PHF24: variants seen among roughly 807,000 people sequenced by gnomAD.
PHF24 encodes the protein Galpha inhibitory interacting protein.
Under a neutral mutation model 42.6 loss-of-function variants are expected in PHF24, and 25 were observed. That is an observed-to-expected ratio of 0.59 (90% CI 0.43 to 0.82). The LOEUF is 0.82. Among genes scored for constraint, PHF24 ranks in the 40% least tolerant of loss-of-function variants. The pLI is 0.00. For missense variants in PHF24, 470 were observed against 538.1 expected (o/e 0.87, Z 1.25); for synonymous variants, 185 against 204.8 (o/e 0.90, Z 0.83).
At chr9:34,940,647 T>TAC in the PHF24 span, among the ~76,000 whole-genome samples, 5 of 152,294 alleles carry the variant, frequency 3.3e-5, no homozygotes, top group East Asian at 9.7e-4. Context: ...CTTGGTGGCT[T>TAC]ACCTGCCACC....
the PHF24 span, among the ~76,000 whole-genome samples, chr9:34,880,304 A>C: frequency 6.6e-6 from 1 of 152,204 alleles, no homozygotes; most frequent in African/African-American, 2.4e-5. Context: ...AACGAGCAAA[A>C]TAACCAGCTA....
chr9:34,909,645 G>A, the PHF24 span, among the ~76,000 whole-genome samples: 5 of 148,856 alleles, frequency 3.4e-5, no homozygotes, highest in Non-Finnish European at 7.4e-5. Flanking sequence ...TTTTTGAGAC[G>A]GAGTCTCGCT....
the PHF24 span, among the ~76,000 whole-genome samples, chr9:34,895,344 G>A: frequency 1.3e-5 from 2 of 152,074 alleles, no homozygotes; most frequent in Admixed American, 6.6e-5. Context: ...AGGATGAGAC[G>A]GGAGGAAAAG....
chr9:34,952,220 A>C, the PHF24 span, among the ~76,000 whole-genome samples: 3 of 152,250 alleles, frequency 2.0e-5, no homozygotes, highest in Non-Finnish European at 4.4e-5. Flanking sequence ...TGAGTTTAGC[A>C]AGGTCACAGG....
the PHF24 span, among the ~76,000 whole-genome samples, chr9:34,936,678 G>A: frequency 2.7e-5 from 4 of 150,444 alleles, no homozygotes; most frequent in African/African-American, 9.9e-5. Flanking sequence ...GTCTCTGCCC[G>A]GCCACCCATC....
the PHF24 span, among the ~76,000 whole-genome samples, chr9:34,905,812 G>T: frequency 6.6e-6 from 1 of 152,148 alleles, no homozygotes; most frequent in African/African-American, 2.4e-5. Context: ...ATTTTATTTT[G>T]TATATATTTG....
At chr9:34,820,197 T>C in the PHF24 span, among the ~76,000 whole-genome samples, 19 of 150,964 alleles carry the variant, frequency 1.3e-4, no homozygotes, top group Admixed American at 6.6e-5. Context: ...TTAAACTTAC[T>C]TGTGTCTTTA....
chr9:34,974,069 G>A (rs957642396), intron 3 of PHF24, among the ~76,000 whole-genome samples: 2 of 151,968 alleles, frequency 1.3e-5, no homozygotes, highest in African/African-American at 2.4e-5. Context: ...GCAGTGGTGC[G>A]ATCGTAGCAC....
the PHF24 span, among the ~76,000 whole-genome samples, chr9:34,860,862 T>C: frequency 2.6e-5 from 4 of 152,188 alleles, no homozygotes; most frequent in African/African-American, 4.8e-5. Context: ...GCAAAGTACA[T>C]GCACAAACTG....
At chr9:34,683,476 A>T in the PHF24 span, among the ~76,000 whole-genome samples, 1 of 152,192 alleles carries the variant, frequency 6.6e-6, no homozygotes, top group Non-Finnish European at 1.5e-5. Context: ...CCAGCCCTCC[A>T]CTTGTCCCTC....
At chr9:34,740,668 C>G in the PHF24 span, among the ~76,000 whole-genome samples, 8 of 152,218 alleles carry the variant, frequency 5.3e-5, no homozygotes, top group African/African-American at 1.7e-4. Context: ...CTTGGTCAGC[C>G]CAGAAAGGGG....
chr9:34,916,340 T>G, the PHF24 span, among the ~76,000 whole-genome samples: 1 of 152,200 alleles, frequency 6.6e-6, no homozygotes, highest in Non-Finnish European at 1.5e-5. Context: ...TAGGAACCCA[T>G]TGCCCTGGCA....
the PHF24 span, among the ~76,000 whole-genome samples, chr9:34,734,529 A>G: frequency 6.6e-6 from 1 of 152,212 alleles, no homozygotes; most frequent in Non-Finnish European, 1.5e-5. Context: ...TCCCTATGGA[A>G]ACAAAAGCCT....
chr9:34,708,951 C>T, the PHF24 span: 1 of 189,998 alleles, frequency 5.3e-6, no homozygotes, highest in South Asian at 1.3e-4. Context: ...TGTGTGACCC[C>T]ACCCTGTAGG....
At chr9:34,868,796 C>G in the PHF24 span, among the ~76,000 whole-genome samples, 1 of 151,838 alleles carries the variant, frequency 6.6e-6, no homozygotes, top group Non-Finnish European at 1.5e-5. Context: ...AGTACATGTG[C>G]AGGTTCGTTA....
At chr9:34,956,055 C>G (rs1826363519), upstream of PHF24, among the ~76,000 whole-genome samples, 1 of 152,196 alleles carries the variant, frequency 6.6e-6, no homozygotes, top group South Asian at 2.1e-4. Flanking sequence ...ATAAAGTAAT[C>G]TGTCTCTCCC....
the PHF24 span, among the ~76,000 whole-genome samples, chr9:34,942,564 G>T: frequency 6.6e-6 from 1 of 152,104 alleles, no homozygotes. Context: ...AGAGGGCAGG[G>T]GCATTAACAT....
chr9:34,919,139 G>A, the PHF24 span, among the ~76,000 whole-genome samples: 2 of 152,076 alleles, frequency 1.3e-5, no homozygotes, highest in Non-Finnish European at 2.9e-5. Flanking sequence ...TTTATTATAC[G>A]TGTTTACTAT....
chr9:34,773,209 C>T, the PHF24 span, among the ~76,000 whole-genome samples: 2 of 152,082 alleles, frequency 1.3e-5, no homozygotes, highest in African/African-American at 4.8e-5. Flanking sequence ...AGGCTGGTCT[C>T]GAACTCCCAA....
Sources: gnomAD v4.1 joint callset for allele counts (sites outside exome capture counted in the v4.1 genomes callset) on GRCh38, gnomAD v4.1.1 for gene constraint, MANE v1.5 for transcripts, NCBI Gene and HGNC (gene_info 2026-07-23, HGNC 2026-07-21) for gene names.